The following GLCCI1 variants were observed in gnomAD, a reference collection of about 807,000 sequenced individuals.
GLCCI1 encodes the protein glucocorticoid induced 1.
Under a neutral mutation model 52.2 loss-of-function variants are expected in GLCCI1, and 24 were observed. The observed-to-expected ratio is 0.46, with a 90% CI of 0.33 to 0.65. The LOEUF is 0.65. GLCCI1 is among the 30% of genes least tolerant of loss of function. The probability of loss-of-function intolerance (pLI) is 0.02; values close to 1 mark genes in which losing one functional copy is unlikely to be tolerated. For synonymous variants in GLCCI1, 310 were observed against 276.5 expected, an observed-to-expected ratio of 1.12 and a Z score of -1.20; for missense variants, 704 against 701.5, an observed-to-expected ratio of 1.00 and a Z score of -0.04.
chr7:8,056,000 A>C (rs1433403377), intron 4 of GLCCI1, among the ~76,000 whole-genome samples: 2 of 148,536 alleles, frequency 1.3e-5, no homozygotes, highest in Non-Finnish European at 3.0e-5. Context: ...CTCAAAAAAA[A>C]AAAAAAACAA....
At chr7:8,030,927 C>T (rs1781733735) in intron 3 of GLCCI1, among the ~76,000 whole-genome samples, 1 of 152,064 alleles carries the variant, frequency 6.6e-6, no homozygotes, top group African/African-American at 2.4e-5. Context: ...ACCCTCTGTA[C>T]ACTGTTGATG....
intron 1 of GLCCI1, among the ~76,000 whole-genome samples, chr7:7,984,915 T>C (rs1780692872): frequency 6.6e-6 from 1 of 152,272 alleles, no homozygotes; most frequent in Non-Finnish European, 1.5e-5. Flanking sequence ...GATATGCTTA[T>C]ATTGGATAAA....
intron 1 of GLCCI1, chr7:7,980,679 C>CGAATA (rs1466634617): frequency 3.9e-6 from 3 of 768,056 alleles, no homozygotes; most frequent in East Asian, 5.0e-5. Flanking sequence ...GCACAATGTC[C>CGAATA]ATGGTGAATA....
chr7:7,974,969 G>A (rs986979289), intron 1 of GLCCI1, among the ~76,000 whole-genome samples: 19 of 152,228 alleles, frequency 1.2e-4, no homozygotes, highest in Admixed American at 3.3e-4. Context: ...TTATTTTAAC[G>A]AGAGGTTGAA....
chr7:8,033,788 G>T (rs1019713955), intron 3 of GLCCI1, among the ~76,000 whole-genome samples: 3 of 152,098 alleles, frequency 2.0e-5, no homozygotes, highest in Non-Finnish European at 4.4e-5. Context: ...TTCATGGATT[G>T]GAAGAATCAA....
intron 4 of GLCCI1, among the ~76,000 whole-genome samples, chr7:8,055,949 C>G (rs1291412973): frequency 1.4e-5 from 2 of 146,098 alleles, no homozygotes; most frequent in Non-Finnish European, 3.0e-5. Context: ...GCCAAGATCG[C>G]GCCGCTGCAC....
chr7:8,016,900 A>G (rs1021764641), intron 2 of GLCCI1, among the ~76,000 whole-genome samples: 1 of 152,260 alleles, frequency 6.6e-6, no homozygotes, highest in Non-Finnish European at 1.5e-5. Context: ...ACTAGTATCA[A>G]CTATTGATTA....
At chr7:8,005,698 T>C (rs1458241200) in intron 2 of GLCCI1, among the ~76,000 whole-genome samples, 1 of 152,188 alleles carries the variant, frequency 6.6e-6, no homozygotes, top group Non-Finnish European at 1.5e-5. Flanking sequence ...CACTAAAAAA[T>C]GGTAGCTATT....
chr7:8,085,370 A>G (rs956655324), intron 7 of GLCCI1, among the ~76,000 whole-genome samples: 2 of 152,204 alleles, frequency 1.3e-5, no homozygotes, highest in South Asian at 2.1e-4. Flanking sequence ...AAGACAGTGT[A>G]CTCCACAAGC....
intron 5 of GLCCI1, among the ~76,000 whole-genome samples, chr7:8,061,804 T>C (rs1387082874): frequency 6.6e-6 from 1 of 151,656 alleles, no homozygotes; most frequent in East Asian, 1.9e-4. Flanking sequence ...GTAGCTGGGA[T>C]TACAGGCACA....
chr7:8,017,405 A>G (rs1781401846), intron 2 of GLCCI1, among the ~76,000 whole-genome samples: 1 of 152,218 alleles, frequency 6.6e-6, no homozygotes, highest in South Asian at 2.1e-4. Flanking sequence ...TCAATTTTTT[A>G]GTCTAACACT....
chr7:8,045,097 T>C (rs1190562186), intron 3 of GLCCI1, among the ~76,000 whole-genome samples: 1 of 152,104 alleles, frequency 6.6e-6, no homozygotes, highest in East Asian at 1.9e-4. Context: ...ACCAAAAAAC[T>C]TGTAATATTA....
intron 6 of GLCCI1, among the ~76,000 whole-genome samples, chr7:8,084,182 A>G (rs1462302145): frequency 6.6e-6 from 1 of 152,214 alleles, no homozygotes; most frequent in Non-Finnish European, 1.5e-5. Flanking sequence ...GAAATTGCAT[A>G]TGGGTTTTAT....
chr7:7,978,232 CTT>C (rs1278514803), intron 1 of GLCCI1, among the ~76,000 whole-genome samples: 1 of 152,122 alleles, frequency 6.6e-6, no homozygotes, highest in South Asian at 2.1e-4. Context: ...AATAAGGTCT[CTT>C]TTTTGTGTAT....
At chr7:8,078,686 G>A (rs1782925654) in intron 6 of GLCCI1, 1 of 152,162 alleles carries the variant, frequency 6.6e-6, no homozygotes, top group Non-Finnish European at 1.5e-5. Flanking sequence ...AAGGTCAGAG[G>A]AACTGGAGGA....
rs960568784 is a variant in GLCCI1 at position 7,975,949 on chromosome 7, A to G, written c.457+6142A>G. On this transcript the variant is annotated intron_variant, in intron 1 of 7. Coordinates refer to ENST00000223145, the MANE Select transcript of GLCCI1 (RefSeq NM_138426.4). ...TTTCTCCCCTTTTCTCTCTTCATAA[A>G]TGTTAAAAGTTAATTACATATGGTG... Among the ~76,000 whole-genome samples the G allele has an allele frequency of 2.0e-5, 3 of 152,256 alleles. No homozygotes were observed. In the East Asian group the frequency reaches 5.8e-4, roughly 29 times the overall value.
intron 3 of GLCCI1, among the ~76,000 whole-genome samples, chr7:8,038,390 C>T (rs2127953807): frequency 6.6e-6 from 1 of 152,156 alleles, no homozygotes; most frequent in South Asian, 2.1e-4. Flanking sequence ...CTATTGTACC[C>T]AAAACAGAAT....
At chr7:8,071,728 TC>T (rs1477757790) in intron 6 of GLCCI1, among the ~76,000 whole-genome samples, 2 of 152,166 alleles carry the variant, frequency 1.3e-5, no homozygotes, top group African/African-American at 2.4e-5. Context: ...CACCAACACT[TC>T]CTGGGTTCTT....
chr7:8,075,154 G>C (rs1055325394), intron 6 of GLCCI1, among the ~76,000 whole-genome samples: 3 of 152,038 alleles, frequency 2.0e-5, no homozygotes, highest in African/African-American at 7.2e-5. Flanking sequence ...AATGTGCATC[G>C]CACATTGGTT....
Sources: allele counts gnomAD v4.1 joint callset (sites outside exome capture counted in the v4.1 genomes callset), GRCh38; gene constraint gnomAD v4.1.1; transcripts MANE v1.5; gene names NCBI Gene and HGNC (gene_info 2026-07-23, HGNC 2026-07-21).